Variants in ZNF320 observed in about 807,000 individuals in gnomAD.
ZNF320 encodes zinc finger gene 320.
A neutral mutation model predicts 6.8 loss-of-function variants in ZNF320; 2 were observed. That is an observed-to-expected ratio of 0.29 (90% confidence interval 0.12 to 0.93). The LOEUF (loss-of-function observed/expected upper bound fraction) is 0.93, where lower values mean the gene tolerates loss of function less well. Ranked by LOEUF, ZNF320 falls within the 40% of genes least tolerant of loss-of-function variation. ZNF320 has a pLI of 0.55. For missense variants in ZNF320, 472 were observed against 611.0 expected (o/e 0.77, Z 2.40); for synonymous variants, 208 against 203.2 (o/e 1.02, Z -0.20).
At chr19:52,867,599 T>C (rs1214276981) in intron 5 of ZNF320, among the ~76,000 whole-genome samples, 10 of 152,072 alleles carry the variant, frequency 6.6e-5, no homozygotes, top group African/African-American at 2.4e-4. Flanking sequence ...CCAGTGCTTT[T>C]ATTTTTATTT....
chr19:52,864,841 G>A (rs1235398052), intron 5 of ZNF320, among the ~76,000 whole-genome samples: 5 of 151,038 alleles, frequency 3.3e-5, no homozygotes, highest in South Asian at 2.1e-4. Flanking sequence ...GTGAAATCCC[G>A]TCTCTACTAA....
chr19:52,898,115 A>G (rs2064528312), upstream of ZNF320, among the ~76,000 whole-genome samples: 1 of 152,214 alleles, frequency 6.6e-6, no homozygotes, highest in African/African-American at 2.4e-5. Flanking sequence ...GCAAACTAGA[A>G]TGCGAAATAC....
At position 52,880,531 on chromosome 19, in the gene ZNF320, G is replaced by T; in HGVS notation, c.*65C>A. The T allele has an allele frequency of 1.4e-6, 2 of 1,467,046 alleles. No homozygotes were observed. The highest frequency in any genetic ancestry group is 2.6e-5 in the South Asian group (2 of 76,082). 90.9% of individuals were successfully genotyped at this position (1,467,046 alleles called of 1,614,324 possible). A position where few individuals can be genotyped will look rare whatever the true frequency, so the allele number is the denominator to read the frequency against. ...CTCTTAACATAAACAGTTTAATGTC[G>T]ATTAATGCTTGAAATCAATGTTAAG... On this transcript the variant is annotated 3_prime_UTR_variant, in exon 6 of 6. Coordinates refer to ENST00000682928, the MANE Select transcript of ZNF320 (RefSeq NM_001351774.2).
At chr19:52,866,094 ATATG>A (rs1398870117) in intron 5 of ZNF320, among the ~76,000 whole-genome samples, 1 of 63,618 alleles carries the variant, frequency 1.6e-5, no homozygotes, top group Non-Finnish European at 3.1e-5. Flanking sequence ...ATATATTTAT[ATATG>A]TATGATTATA....
At chr19:52,874,062 G>A (rs749085811), downstream of ZNF320, 19 of 411,570 alleles carry the variant, frequency 4.6e-5, no homozygotes, top group African/African-American at 3.6e-4. Context: ...ATAAGTCTCT[G>A]GAAATCAATC....
intron 2 of ZNF320, chr19:52,893,542 G>A (rs1412380612): frequency 6.6e-6 from 1 of 152,086 alleles, no homozygotes; most frequent in African/African-American, 2.4e-5. Context: ...AGCTACTTGG[G>A]AGACTGAGGC....
chr19:52,882,047 A>C lies in ZNF320; in HGVS notation c.143-64T>G, dbSNP rs146633824. 1.2e-5 allele frequency: 17 copies of C among 1,441,696 alleles called. No individual in the cohort carries two copies. The African/African-American group carries it at 2.4e-4, about 20-fold the overall frequency. The allele number at this position is 1,441,696 out of a possible 1,614,324, so 89.3% of individuals were successfully genotyped here. A position where few individuals can be genotyped will look rare whatever the true frequency, so the allele number is the denominator to read the frequency against. On this transcript the variant is annotated intron_variant, in intron 5 of 5. Transcript: ENST00000682928. ...CAGATGGTATAAAACACTGAAATGT[A>C]TAAATATCACACACACACAAAAATA...
At chr19:52,870,161 T>G (rs750311089) in intron 5 of ZNF320, among the ~76,000 whole-genome samples, 29 of 152,120 alleles carry the variant, frequency 1.9e-4, no homozygotes, top group Non-Finnish European at 3.2e-4. Flanking sequence ...ATTAACTCAT[T>G]ATTGTGATAG....
chr19:52,861,004 AAAACAAAC>A (rs142015174), exon 6 of ZNF320, among the ~76,000 whole-genome samples: 14 of 150,516 alleles, frequency 9.3e-5, no homozygotes, highest in South Asian at 2.1e-4. Flanking sequence ...GATTCCGTCA[AAAACAAAC>A]AAACAAACAA....
At position 52,876,503 on chromosome 19, in the gene ZNF320, C is replaced by T. The variant is rs1373994443; in HGVS notation, c.*4093G>A. 6.6e-6 allele frequency: 1 copy of T among 152,092 alleles called. No homozygotes were observed. Among genetic ancestry groups the T allele is most frequent in the East Asian group, 1.9e-4 (1 of 5,180 alleles). 9.4% of individuals were successfully genotyped at this position (152,092 alleles called of 1,614,324 possible). A position where few individuals can be genotyped will look rare whatever the true frequency, so the allele number is the denominator to read the frequency against. ...TCATGAGAAGCAGTTTTTTATATTA[C>T]TTTAATTTTATTTTAGAGATGGAGT... On this transcript the variant is annotated 3_prime_UTR_variant, in exon 6 of 6. Coordinates refer to ENST00000682928, the MANE Select transcript of ZNF320 (RefSeq NM_001351774.2).
upstream of ZNF320, among the ~76,000 whole-genome samples, chr19:52,901,233 A>G (rs1014393584): frequency 6.6e-6 from 1 of 152,220 alleles, no homozygotes; most frequent in East Asian, 1.9e-4. Context: ...TATAATAACT[A>G]TAAAATAATA....
intron 5 of ZNF320, among the ~76,000 whole-genome samples, chr19:52,884,131 G>T (rs760305321): frequency 1.3e-5 from 2 of 152,146 alleles, no homozygotes; most frequent in African/African-American, 4.8e-5. Context: ...CCGTGAAGAA[G>T]CCTCTCACCA....
In ZNF320 at chr19:52,880,165, G is replaced by A. The variant is rs561290223; in HGVS notation, c.*431C>T. 3.2e-5 allele frequency: 5 copies of A among 154,562 alleles called. No homozygotes were observed. The highest frequency in any genetic ancestry group is 6.4e-5 in the Admixed American group (1 of 15,638). The allele number at this position is 154,562 out of a possible 1,614,324, so 9.6% of individuals were successfully genotyped here. On this transcript the variant is annotated 3_prime_UTR_variant, in exon 6 of 6. Coordinates refer to ENST00000682928, the MANE Select transcript of ZNF320 (RefSeq NM_001351774.2). ...AGATCGAGACCATCCTAGCTAACAC[G>A]GTGAAACCCAGTCTCTACTAAAAAT...
At chr19:52,882,255 T>C (rs2063945576) in intron 5 of ZNF320, among the ~76,000 whole-genome samples, 1 of 152,172 alleles carries the variant, frequency 6.6e-6, no homozygotes, top group Non-Finnish European at 1.5e-5. Flanking sequence ...GGAGTATTTT[T>C]CCACTTTAAT....
intron 5 of ZNF320, among the ~76,000 whole-genome samples, chr19:52,870,409 C>T (rs958489748): frequency 2.1e-5 from 3 of 144,144 alleles, no homozygotes; most frequent in African/African-American, 5.1e-5. Flanking sequence ...AACCTGGAGG[C>T]GGAGCTTGCA....
At chr19:52,862,259 A>T in exon 6 of ZNF320, 1 of 685,030 alleles carries the variant, frequency 1.5e-6, no homozygotes, top group South Asian at 1.4e-5. Flanking sequence ...CACACTCATT[A>T]CACTTGTAAG....
At chr19:52,860,616 AG>A (rs1410434714), downstream of ZNF320, among the ~76,000 whole-genome samples, 1 of 151,718 alleles carries the variant, frequency 6.6e-6, no homozygotes, top group African/African-American at 2.4e-5. Flanking sequence ...AAAAAGAAAA[AG>A]AAAAAAAAGC....
chr19:52,904,268 C>T, the ZNF320 span: 1 of 152,408 alleles, frequency 6.6e-6, no homozygotes, highest in Non-Finnish European at 1.5e-5. Context: ...CTCAGGCTGG[C>T]CAGAGTCCCC....
At chr19:52,865,597 T>TTA (rs545405820) in intron 5 of ZNF320, among the ~76,000 whole-genome samples, 20 of 126,884 alleles carry the variant, frequency 1.6e-4, no homozygotes, top group Non-Finnish European at 2.6e-4. Flanking sequence ...ATACATATAT[T>TTA]TATATATGAG....
Sources: gnomAD v4.1 joint callset for allele counts (sites outside exome capture counted in the v4.1 genomes callset) on GRCh38, gnomAD v4.1.1 for gene constraint, MANE v1.5 for transcripts, NCBI Gene and HGNC (gene_info 2026-07-23, HGNC 2026-07-21) for gene names.